CCSER1: variants seen among roughly 807,000 people sequenced by gnomAD.
CCSER1 encodes coiled-coil serine rich protein 1.
CCSER1 carries 41 observed loss-of-function variants against 82.0 expected under a neutral mutation model. The observed-to-expected ratio is 0.50, with a 90% CI of 0.39 to 0.65. CCSER1 has a LOEUF of 0.65. Among genes scored for constraint, CCSER1 ranks in the 30% least tolerant of loss-of-function variants. The probability of loss-of-function intolerance (pLI) is 0.00; values close to 1 mark genes in which losing one functional copy is unlikely to be tolerated. For missense variants in CCSER1, 1,119 were observed against 1,064.2 expected (o/e 1.05, Z -0.72); for synonymous variants, 414 against 383.9 (o/e 1.08, Z -0.92).
At chr4:90,915,299 T>G (rs1581060694) in intron 8 of CCSER1, among the ~76,000 whole-genome samples, 1 of 152,116 alleles carries the variant, frequency 6.6e-6, no homozygotes. Flanking sequence ...CAGCAACACA[T>G]CAAAAAGCTT....
At chr4:90,891,784 T>C (rs2150115811) in intron 8 of CCSER1, among the ~76,000 whole-genome samples, 1 of 152,204 alleles carries the variant, frequency 6.6e-6, no homozygotes, top group Non-Finnish European at 1.5e-5. Flanking sequence ...AGGTTAACAG[T>C]ACATTCACTC....
Position 90,932,974 on chromosome 4 carries a change from GAAAGAAAGAGAA to G in CCSER1, c.2172+9529_2172+9540del, listed in dbSNP as rs1561384902. Among the ~76,000 whole-genome samples, 34 of 30,404 alleles carry G rather than the reference GAAAGAAAGAGAA, an allele frequency of 1.1e-3. 2 individuals carry two copies. The highest frequency in any genetic ancestry group is 2.0e-3 in the Admixed American group (6 of 2,938). The allele number at this position is 30,404 out of a possible 152,430, so 19.9% of individuals were successfully genotyped here. ...AGAAAGAAAGAAAGAAAGAAAGAAAGAAAGAAAGAGAAAGAAAGAAAGAAAGAAAGAAAGAAA... is the reference window on the plus strand; with the variant it reads ...AGAAAGAAAGAAAGAAAGAAAGAAAGAGAAAGAAAGAAAGAAAGAAAGAAA... On this transcript the variant is annotated intron_variant, in intron 9 of 10. Coordinates refer to ENST00000509176, the MANE Select transcript of CCSER1 (RefSeq NM_001145065.2).
intron 10 of CCSER1, among the ~76,000 whole-genome samples, chr4:91,366,241 G>T (rs1191022316): frequency 6.6e-6 from 1 of 152,042 alleles, no homozygotes; most frequent in Non-Finnish European, 1.5e-5. Flanking sequence ...GGCTGGTCTC[G>T]AACTCCTGAC....
chr4:90,980,692 GGAGA>G lies in CCSER1; in HGVS notation c.2172+57251_2172+57254del, dbSNP rs751163918. On this transcript the variant is annotated intron_variant, in intron 9 of 10. Coordinates refer to ENST00000509176, the MANE Select transcript of CCSER1 (RefSeq NM_001145065.2). ...GGAGTGTGGCAGGGGCCAGAGGAGAGGAGAGAGAGGGAAAGTAGGGATAGATTAG... is the reference window on the plus strand; with the variant it reads ...GGAGTGTGGCAGGGGCCAGAGGAGAGGAGAGGGAAAGTAGGGATAGATTAG... Among the ~76,000 whole-genome samples the G allele has an allele frequency of 5.9e-4, 89 of 151,648 alleles. 1 individual carries two copies. The highest frequency in any genetic ancestry group is 1.0e-3 in the Non-Finnish European group (71 of 67,756).
chr4:90,434,874 T>G (rs556453529), intron 4 of CCSER1, among the ~76,000 whole-genome samples: 71 of 152,328 alleles, frequency 4.7e-4, no homozygotes, highest in Non-Finnish European at 8.1e-4. Flanking sequence ...ATTATTTTAC[T>G]TGTTAAATCC....
intron 2 of CCSER1, among the ~76,000 whole-genome samples, chr4:90,311,899 A>C (rs1735347218): frequency 6.6e-6 from 1 of 152,198 alleles, no homozygotes. Flanking sequence ...CTAGGGATGT[A>C]GCAATACACA....
intron 9 of CCSER1, among the ~76,000 whole-genome samples, chr4:90,932,412 A>G (rs879047552): frequency 6.6e-6 from 1 of 152,184 alleles, no homozygotes; most frequent in African/African-American, 2.4e-5. Context: ...AAAGTACTTA[A>G]ACAGGTTTAG....
intron 10 of CCSER1, among the ~76,000 whole-genome samples, chr4:91,435,568 C>A (rs555918390): frequency 6.6e-6 from 1 of 152,118 alleles, no homozygotes; most frequent in Non-Finnish European, 1.5e-5. Flanking sequence ...GAAAAGATTT[C>A]GGCACCATCT....
intron 6 of CCSER1, among the ~76,000 whole-genome samples, chr4:90,665,578 C>T (rs1731617943): frequency 6.6e-6 from 1 of 152,118 alleles, no homozygotes; most frequent in Admixed American, 6.6e-5. Flanking sequence ...GCCTCGGCCT[C>T]CCAAAGTGCT....
chr4:90,348,668 G>A (rs374808131), intron 3 of CCSER1, among the ~76,000 whole-genome samples: 13 of 152,104 alleles, frequency 8.5e-5, no homozygotes, highest in Middle Eastern at 3.4e-3. Flanking sequence ...CTGATTAAAT[G>A]AAAGGAGTTT....
At chr4:91,521,385 G>T (rs1183611993) in intron 10 of CCSER1, among the ~76,000 whole-genome samples, 1 of 152,166 alleles carries the variant, frequency 6.6e-6, no homozygotes, top group African/African-American at 2.4e-5. Flanking sequence ...AACCCTTTGA[G>T]TATATACCCA....
chr4:91,386,665 C>G (rs1202981918), intron 10 of CCSER1, among the ~76,000 whole-genome samples: 1 of 152,038 alleles, frequency 6.6e-6, no homozygotes, highest in African/African-American at 2.4e-5. Flanking sequence ...TAACTCTAGA[C>G]TGGGGAAGCT....
intron 10 of CCSER1, among the ~76,000 whole-genome samples, chr4:91,402,773 T>G (rs1328672316): frequency 6.6e-6 from 1 of 152,206 alleles, no homozygotes; most frequent in Non-Finnish European, 1.5e-5. Context: ...TTGATACCAG[T>G]GCCATGCTGT....
At chr4:90,362,100 A>G (rs1473963497) in intron 3 of CCSER1, among the ~76,000 whole-genome samples, 1 of 152,168 alleles carries the variant, frequency 6.6e-6, no homozygotes, top group Non-Finnish European at 1.5e-5. Flanking sequence ...AGAGAACCCA[A>G]GCAAATACTG....
At chr4:91,064,349 C>A (rs60527354) in intron 9 of CCSER1, among the ~76,000 whole-genome samples, 3,643 of 152,272 alleles carry the variant, frequency 0.024, 128 homozygotes, top group African/African-American at 0.081. Flanking sequence ...TCAGCCATGG[C>A]TTATTACAGT....
intron 10 of CCSER1, among the ~76,000 whole-genome samples, chr4:91,294,558 A>T (rs879779732): frequency 2.3e-4 from 35 of 151,932 alleles, no homozygotes; most frequent in Non-Finnish European, 4.9e-4. Context: ...GGATGGCAAC[A>T]GGGTTTGTTC....
At chr4:90,583,784 A>G (rs1579298627) in intron 5 of CCSER1, among the ~76,000 whole-genome samples, 1 of 152,106 alleles carries the variant, frequency 6.6e-6, no homozygotes, top group Non-Finnish European at 1.5e-5. Flanking sequence ...CATGGATGAA[A>G]ATATTCAAGG....
intron 3 of CCSER1, among the ~76,000 whole-genome samples, chr4:90,388,471 G>A (rs1029361207): frequency 2.9e-4 from 44 of 151,950 alleles, no homozygotes; most frequent in Non-Finnish European, 4.4e-5. Flanking sequence ...CACTGTGCCC[G>A]GCTAAATTTT....
At chr4:91,281,204 G>C (rs111569534) in intron 10 of CCSER1, among the ~76,000 whole-genome samples, 1 of 152,058 alleles carries the variant, frequency 6.6e-6, no homozygotes, top group African/African-American at 2.4e-5. Context: ...CCATGTCTTA[G>C]GCATTTCTTG....
Sources: gnomAD v4.1 joint callset for allele counts (sites outside exome capture counted in the v4.1 genomes callset) on GRCh38, gnomAD v4.1.1 for gene constraint, MANE v1.5 for transcripts, NCBI Gene and HGNC (gene_info 2026-07-23, HGNC 2026-07-21) for gene names.